Variants in APTX observed in about 807,000 individuals in gnomAD.
APTX encodes aprataxin, also known as forkhead-associated domain histidine triad-like protein.
In APTX, 33 loss-of-function variants were observed where a neutral mutation model predicts 42.3. That is an observed-to-expected ratio of 0.78 (90% CI 0.59 to 1.04). APTX has a LOEUF of 1.04. Among genes scored for constraint, APTX ranks in the 50% least tolerant of loss-of-function variants. The pLI is 0.00. For missense variants in APTX, 421 were observed against 415.1 expected (o/e 1.01, Z -0.12); for synonymous variants, 130 against 146.7 (o/e 0.89, Z 0.82).
At chr9:32,982,356 A>G (rs891321528) in intron 6 of APTX, among the ~76,000 whole-genome samples, 1 of 152,216 alleles carries the variant, frequency 6.6e-6, no homozygotes, top group Non-Finnish European at 1.5e-5. Context: ...TGGAGTAGAA[A>G]AAGAACAATA....
intron 1 of APTX, among the ~76,000 whole-genome samples, chr9:32,992,982 T>C (rs992893588): frequency 2.6e-5 from 4 of 152,208 alleles, no homozygotes; most frequent in Non-Finnish European, 4.4e-5. Context: ...TGGAAACAGA[T>C]GAATGAGCAG....
chr9:32,973,368 A>G lies in APTX; in HGVS notation c.*130T>C. On this transcript the variant is annotated 3_prime_UTR_variant, in exon 8 of 8. Coordinates refer to ENST00000379817, the MANE Select transcript of APTX (RefSeq NM_001195248.2). The stretch of plus-strand genomic sequence containing the variant: ...CTCTACATTGTGGCCACTCAATAAT[A>G]GAATAAATTTGTGAAAAAGCTGCAT... 1 of 1,106,282 alleles carries G rather than the reference A, an allele frequency of 9.0e-7. No individual in the cohort carries two copies. The highest frequency in any genetic ancestry group is 2.4e-5 in the East Asian group (1 of 41,590). The allele number at this position is 1,106,282 out of a possible 1,614,324, so 68.5% of individuals were successfully genotyped here.
intron 1 of APTX, 112 bp from the exon 2 acceptor site, chr9:32,990,007 C>G (rs572224852): frequency 7.5e-7 from 1 of 1,338,028 alleles, no homozygotes; most frequent in Admixed American, 2.0e-5. Flanking sequence ...CATCTTGAGG[C>G]AAGTGACTTC....
chr9:33,020,940 C>A (rs953232521), intron 1 of APTX, among the ~76,000 whole-genome samples: 16 of 151,886 alleles, frequency 1.1e-4, no homozygotes, highest in African/African-American at 3.9e-4. Context: ...GACAGCCTGG[C>A]CAACATGGAG....
At chr9:33,004,658 A>C (rs1587626693), upstream of APTX, among the ~76,000 whole-genome samples, 1 of 120,810 alleles carries the variant, frequency 8.3e-6, no homozygotes, top group African/African-American at 3.3e-5. Context: ...TTTGAGATGG[A>C]GTCTCGCTCT....
chr9:32,973,729 A>T (rs772148494), intron 7 of APTX, 77 bp from the exon 8 acceptor site: 2 of 1,339,204 alleles, frequency 1.5e-6, no homozygotes, highest in Admixed American at 1.8e-5. Flanking sequence ...AAAAAAAAAA[A>T]TCAAAAACGT....
intron 4 of APTX, 196 bp from the exon 5 acceptor site, chr9:32,986,226 T>G (rs1000954991): frequency 1.4e-6 from 1 of 718,894 alleles, no homozygotes; most frequent in African/African-American, 1.7e-5. Flanking sequence ...ATTCTCTTTT[T>G]TTTTGAGACA....
At chr9:32,994,381 T>G (rs1367020857) in intron 1 of APTX, among the ~76,000 whole-genome samples, 1 of 152,138 alleles carries the variant, frequency 6.6e-6, no homozygotes, top group Non-Finnish European at 1.5e-5. Context: ...GAAGTTAAGC[T>G]CATCATACTG....
At chr9:32,987,442 T>C (rs896004480) in intron 4 of APTX, 102 bp downstream of exon 4, 4 of 1,441,122 alleles carry the variant, frequency 2.8e-6, no homozygotes, top group Admixed American at 1.7e-5. Context: ...TCATGGTTAA[T>C]AACCCCTCAC....
At chr9:33,021,473 A>G (rs1280871073) in intron 1 of APTX, among the ~76,000 whole-genome samples, 1 of 152,200 alleles carries the variant, frequency 6.6e-6, no homozygotes, top group Non-Finnish European at 1.5e-5. Flanking sequence ...ATATTCTAAA[A>G]AGCAAGAACA....
intron 6 of APTX, among the ~76,000 whole-genome samples, chr9:32,978,624 A>C (rs1415267329): frequency 6.6e-6 from 1 of 152,204 alleles, no homozygotes. Flanking sequence ...AGGGTTGCTA[A>C]GATGATGAAA....
At chr9:32,999,800 C>A (rs1432190023) in intron 1 of APTX, among the ~76,000 whole-genome samples, 1 of 152,056 alleles carries the variant, frequency 6.6e-6, no homozygotes, top group South Asian at 2.1e-4. Flanking sequence ...ACGGTGAAAC[C>A]CCGTCTCTAC....
chr9:33,021,390 A>T (rs888908143), intron 1 of APTX, among the ~76,000 whole-genome samples: 1 of 152,192 alleles, frequency 6.6e-6, no homozygotes, highest in Non-Finnish European at 1.5e-5. Flanking sequence ...TCACAATGGG[A>T]TTTGGGGGGA....
chr9:33,021,986 A>T (rs560028937), intron 1 of APTX, among the ~76,000 whole-genome samples: 1 of 151,856 alleles, frequency 6.6e-6, no homozygotes, highest in Admixed American at 6.6e-5. Context: ...AAAGGGAAAC[A>T]ATGAAAGTAC....
intron 1 of APTX, chr9:33,015,779 A>G (rs1304511711): frequency 1.3e-5 from 2 of 152,192 alleles, no homozygotes; most frequent in Non-Finnish European, 2.9e-5. Context: ...TCTTGATGTC[A>G]TATCATGGGC....
intron 1 of APTX, among the ~76,000 whole-genome samples, chr9:32,990,580 A>G (rs1833369620): frequency 6.6e-6 from 1 of 152,234 alleles, no homozygotes; most frequent in Non-Finnish European, 1.5e-5. Flanking sequence ...GGAGTGCAGT[A>G]GGACAGACAG....
At chr9:33,004,932 G>A (rs1412156555), upstream of APTX, among the ~76,000 whole-genome samples, 3 of 151,830 alleles carry the variant, frequency 2.0e-5, no homozygotes, top group African/African-American at 2.4e-5. Context: ...GAGCCACTGC[G>A]CCCGGCCGCT....
chr9:32,994,418 C>G (rs1346892550), intron 1 of APTX, among the ~76,000 whole-genome samples: 1 of 152,132 alleles, frequency 6.6e-6, no homozygotes, highest in Non-Finnish European at 1.5e-5. Flanking sequence ...ATGTATTTCA[C>G]CTCCCGTTCC....
intron 1 of APTX, among the ~76,000 whole-genome samples, chr9:33,007,109 G>C (rs1227629276): frequency 6.6e-6 from 1 of 151,260 alleles, no homozygotes; most frequent in African/African-American, 2.4e-5. Context: ...AACACATGAA[G>C]ACTTGATGGA....
Sources: gnomAD v4.1 joint callset for allele counts (sites outside exome capture counted in the v4.1 genomes callset) on GRCh38, gnomAD v4.1.1 for gene constraint, MANE v1.5 for transcripts, NCBI Gene and HGNC (gene_info 2026-07-23, HGNC 2026-07-21) for gene names.